Variants in BAZ2B observed in about 807,000 individuals in gnomAD.
BAZ2B encodes the protein bromodomain adjacent to zinc finger domain protein 2B.
A neutral mutation model predicts 246.0 loss-of-function variants in BAZ2B; 91 were observed. The observed-to-expected ratio is 0.37, with a 90% confidence interval of 0.31 to 0.44. The LOEUF (loss-of-function observed/expected upper bound fraction) is 0.44. BAZ2B is among the 20% of genes least tolerant of loss of function. The pLI, the probability that BAZ2B is intolerant of heterozygous loss-of-function variation, is 1.00. For synonymous variants in BAZ2B, 855 were observed against 860.0 expected, an observed-to-expected ratio of 0.99 and a Z score of 0.10; for missense variants, 2,332 against 2,533.7, an observed-to-expected ratio of 0.92 and a Z score of 1.71.
At chr2:159,464,497 T>C (rs972104329) in intron 3 of BAZ2B, 7 of 152,158 alleles carry the variant, frequency 4.6e-5, no homozygotes, top group African/African-American at 9.7e-5. Flanking sequence ...GCTATGTAGT[T>C]CTGGTGACAT....
intron 6 of BAZ2B, among the ~76,000 whole-genome samples, chr2:159,441,505 G>A (rs2073376893): frequency 7.4e-6 from 1 of 134,464 alleles, no homozygotes; most frequent in South Asian, 2.4e-4. Context: ...GAAGACAAGT[G>A]TGAGTATTAG....
chr2:159,614,844 C>T (rs1031350106), intron 1 of BAZ2B, among the ~76,000 whole-genome samples: 1 of 152,122 alleles, frequency 6.6e-6, no homozygotes, highest in Non-Finnish European at 1.5e-5. Context: ...AAAAAATTTA[C>T]TCTTGGGAAA....
the BAZ2B span, among the ~76,000 whole-genome samples, chr2:159,639,984 T>C: frequency 6.6e-6 from 1 of 151,710 alleles, no homozygotes; most frequent in South Asian, 2.1e-4. Flanking sequence ...AAGATACACA[T>C]AGACTGAAAA....
At chr2:159,590,154 T>TCCA (rs1205607297) in intron 1 of BAZ2B, among the ~76,000 whole-genome samples, 3 of 110,842 alleles carry the variant, frequency 2.7e-5, no homozygotes, top group African/African-American at 1.1e-4. Context: ...GCCACTGTAT[T>TCCA]CCAGCCTGGG....
intron 1 of BAZ2B, among the ~76,000 whole-genome samples, chr2:159,602,819 T>C (rs1275527903): frequency 6.6e-6 from 1 of 152,238 alleles, no homozygotes; most frequent in East Asian, 1.9e-4. Context: ...GGATGTTTGA[T>C]GATATTTCAT....
intron 24 of BAZ2B, 137 bp from the exon 25 acceptor site, chr2:159,382,939 A>T (rs1471784607): frequency 8.4e-7 from 1 of 1,185,088 alleles, no homozygotes; most frequent in African/African-American, 1.5e-5. Flanking sequence ...TGTTAAAAAA[A>T]ATTAGAATTA....
chr2:159,636,286 T>A, the BAZ2B span, among the ~76,000 whole-genome samples: 19 of 152,150 alleles, frequency 1.2e-4, no homozygotes, highest in Non-Finnish European at 2.8e-4. Context: ...GGAGAGATGG[T>A]CTTCAATTGC....
At chr2:159,641,345 T>C in the BAZ2B span, among the ~76,000 whole-genome samples, 1 of 152,212 alleles carries the variant, frequency 6.6e-6, no homozygotes, top group Admixed American at 6.5e-5. Context: ...CACATGATTG[T>C]TGGGCCACAT....
intron 3 of BAZ2B, among the ~76,000 whole-genome samples, chr2:159,476,990 G>T (rs2078650859): frequency 6.6e-6 from 1 of 152,216 alleles, no homozygotes; most frequent in Admixed American, 6.5e-5. Flanking sequence ...ACAAGGTGGA[G>T]AAGTTATATT....
intron 2 of BAZ2B, among the ~76,000 whole-genome samples, chr2:159,508,163 G>A (rs576482016): frequency 2.0e-5 from 3 of 152,264 alleles, no homozygotes; most frequent in East Asian, 1.9e-4. Flanking sequence ...GAGCCACAAC[G>A]CCTGGCCTAT....
At chr2:159,481,360 G>A (rs903291445) in intron 2 of BAZ2B, among the ~76,000 whole-genome samples, 1 of 151,228 alleles carries the variant, frequency 6.6e-6, no homozygotes, top group Non-Finnish European at 1.5e-5. Context: ...TCAAAGAACA[G>A]GTATAGATAT....
intron 16 of BAZ2B, among the ~76,000 whole-genome samples, chr2:159,403,157 AT>A (rs147396218): frequency 0.037 from 5,617 of 152,270 alleles, 132 homozygotes; most frequent in South Asian, 0.06. Context: ...CACATGTACT[AT>A]TTTATTCTAG....
intron 12 of BAZ2B, 44 bp from the exon 13 acceptor site, chr2:159,428,086 C>T (rs766960929): frequency 2.5e-5 from 39 of 1,544,052 alleles, no homozygotes; most frequent in Non-Finnish European, 3.3e-5. Context: ...TTAATAATTA[C>T]AACCCAGCTT....
chr2:159,455,259 G>C (rs1444239414), intron 3 of BAZ2B, among the ~76,000 whole-genome samples: 2 of 151,854 alleles, frequency 1.3e-5, no homozygotes, highest in African/African-American at 2.4e-5. Context: ...TTGCTTTCTT[G>C]CTCCCTGAAA....
chr2:159,644,311 C>T, the BAZ2B span, among the ~76,000 whole-genome samples: 1 of 152,186 alleles, frequency 6.6e-6, no homozygotes, highest in Non-Finnish European at 1.5e-5. Flanking sequence ...TCCCTAGCAA[C>T]TCTAAAACCT....
At chr2:159,422,881 A>T (rs1158794340) in intron 13 of BAZ2B, among the ~76,000 whole-genome samples, 1 of 152,208 alleles carries the variant, frequency 6.6e-6, no homozygotes, top group Non-Finnish European at 1.5e-5. Context: ...CCCCATTAAA[A>T]AATGGACATG....
At chr2:159,687,707 C>T in the BAZ2B span, among the ~76,000 whole-genome samples, 2 of 152,146 alleles carry the variant, frequency 1.3e-5, no homozygotes, top group Admixed American at 6.5e-5. Flanking sequence ...TATAATAAAT[C>T]GTTGAACATG....
At chr2:159,614,434 C>A (rs749078321) in intron 1 of BAZ2B, among the ~76,000 whole-genome samples, 7 of 151,992 alleles carry the variant, frequency 4.6e-5, no homozygotes, top group Non-Finnish European at 8.8e-5. Context: ...ATAGTCATTT[C>A]TTTTCAAAAT....
At chr2:159,478,201 G>A (rs1192308017) in intron 3 of BAZ2B, among the ~76,000 whole-genome samples, 1 of 152,182 alleles carries the variant, frequency 6.6e-6, no homozygotes, top group Middle Eastern at 3.2e-3. Flanking sequence ...GTGAACTGGA[G>A]TAGCTGGAGC....
Sources: gnomAD v4.1 joint callset for allele counts (sites outside exome capture counted in the v4.1 genomes callset) on GRCh38, gnomAD v4.1.1 for gene constraint, MANE v1.5 for transcripts, NCBI Gene and HGNC (gene_info 2026-07-23, HGNC 2026-07-21) for gene names.